SIDT2: variants seen among roughly 807,000 people sequenced by gnomAD.
SIDT2 encodes SID1 transmembrane family member 2, also known as SID1 transmembrane family, member 2.
SIDT2 carries 68 observed loss-of-function variants against 114.4 expected under a neutral mutation model. The observed-to-expected ratio is 0.59, with a 90% CI of 0.49 to 0.73. The LOEUF is 0.73. Ranked by LOEUF, SIDT2 falls within the 30% of genes least tolerant of loss-of-function variation. SIDT2 has a pLI of 0.00. For missense variants in SIDT2, 918 were observed against 1,097.1 expected, an observed-to-expected ratio of 0.84 and a Z score of 2.31; for synonymous variants, 470 against 438.4, an observed-to-expected ratio of 1.07 and a Z score of -0.90.
At chr11:117,187,551 C>G (rs989497442) in intron 11 of SIDT2, 77 bp from the exon 12 acceptor site, 23 of 1,595,968 alleles carry the variant, frequency 1.4e-5, no homozygotes, top group Admixed American at 3.3e-5. Flanking sequence ...CTCCAGCCCC[C>G]ACACCCTCTG....
chr11:117,193,541 C>T (rs1294632324), intron 23 of SIDT2, among the ~76,000 whole-genome samples: 2 of 152,154 alleles, frequency 1.3e-5, no homozygotes. Flanking sequence ...AGGGTGTGGG[C>T]CTCTCAGGAT....
At chr11:117,180,116 C>G (rs1012865246) in intron 1 of SIDT2, among the ~76,000 whole-genome samples, 2 of 152,214 alleles carry the variant, frequency 1.3e-5, no homozygotes, top group Non-Finnish European at 2.9e-5. Context: ...AGACCCCAGG[C>G]AGAGCTGAGA....
Position 117,188,219 on chromosome 11 carries a change from G to C in SIDT2, c.1160-489G>C. The C allele has an allele frequency of 2.8e-6, 1 of 352,058 alleles. No homozygotes were observed. Among genetic ancestry groups the C allele is most frequent in the Non-Finnish European group, 5.6e-6 (1 of 180,100 alleles). 21.8% of individuals were successfully genotyped at this position (352,058 alleles called of 1,614,324 possible). A position where few individuals can be genotyped will look rare whatever the true frequency, so the allele number is the denominator to read the frequency against. On this transcript the variant is annotated intron_variant, in intron 12 of 25. Transcript: ENST00000324225. This position sits in a 1 kb window ranked among gnomAD's most constrained non-coding sequence, Gnocchi z 4.0. Reference sequence around the variant, plus strand: ...TCACTCCCTGGCCTGCTTGGGGAGGGCTCACAGGCATGGGGGTCACATTCT... The same window carrying C: ...TCACTCCCTGGCCTGCTTGGGGAGGCCTCACAGGCATGGGGGTCACATTCT...
intron 12 of SIDT2, 40 bp downstream of exon 12, chr11:117,187,739 C>T (rs1362471306): frequency 7.5e-6 from 12 of 1,595,478 alleles, no homozygotes; most frequent in East Asian, 2.2e-5. Flanking sequence ...TGGTGCAGGA[C>T]GGTGTTGTCT....
chr11:117,192,998 C>G lies in SIDT2; in HGVS notation c.2105+132C>G. 7.4e-7 allele frequency: 1 copy of G among 1,345,040 alleles called. No individual in the cohort carries two copies. Among genetic ancestry groups the G allele is most frequent in the Non-Finnish European group, 1.1e-6 (1 of 936,218 alleles). 83.3% of individuals were successfully genotyped at this position (1,345,040 alleles called of 1,614,324 possible). On this transcript the variant is annotated intron_variant, in intron 22 of 25. Transcript: ENST00000324225. The surrounding 1 kb of genome is among the most constrained non-coding windows in gnomAD (Gnocchi z 5.9). ...ACATGGGGGCTAAGAGAGATCTTGG[C>G]CTCTCTTCTCTCTCTTGGCATCTGG... is the stretch of plus-strand genomic sequence containing the variant.
chr11:117,186,323 A>G, intron 9 of SIDT2, 100 bp downstream of exon 9: 1 of 1,081,184 alleles, frequency 9.2e-7, no homozygotes, highest in South Asian at 1.3e-5. Flanking sequence ...GGTAATCTAC[A>G]CCATCCATAG....
chr11:117,191,735 A>G, intron 18 of SIDT2, 143 bp from the exon 19 acceptor site: 1 of 1,170,438 alleles, frequency 8.5e-7, no homozygotes, highest in Non-Finnish European at 1.2e-6. Context: ...ACTGAAGTTC[A>G]AGTGCCACCC....
In SIDT2 at chr11:117,179,231, C is replaced by CA; in HGVS notation, c.-32dup. On this transcript the variant is annotated 5_prime_UTR_variant, in exon 1 of 26. Transcript: ENST00000324225. ...TGTCTCCTGTCGCCGCCGCCGCCGC[C>CA]ACCACCGCTGCCACTGCCGCCCTGC... The CA allele has an allele frequency of 3.1e-6, 5 of 1,596,036 alleles. No homozygotes were observed. The highest frequency in any genetic ancestry group is 4.3e-6 in the Non-Finnish European group (5 of 1,172,646).
rs376002565 is a variant in SIDT2 at position 117,193,182 on chromosome 11, A to G, written c.2135A>G (p.Asn712Ser). ...LAAYGLIMRP[N>S]DFASYLLAIG... ...GCCTATGGGCTTATCATGCGCCCCA[A>G]TGATTTCGCTTCCTACTTGTTGGCC... Residue 712 changes from asparagine to serine, a missense_variant, in exon 23 of 26, where the codon AAT (asparagine) becomes AGT (serine). Coordinates refer to ENST00000324225, the MANE Select transcript of SIDT2 (RefSeq NM_001040455.2). The G allele has an allele frequency of 5.7e-5, 92 of 1,614,004 alleles. No homozygotes were observed. The highest frequency in any genetic ancestry group is 1.3e-4 in the East Asian group (6 of 44,876).
At position 117,189,154 on chromosome 11, in the gene SIDT2, C is replaced by T. The variant is rs1388562465; in HGVS notation, c.1279-15C>T. ...CAAGTAGCAGTAAGTGGGGCTGATT[C>T]CAGCTTCTCCCCAGCAATACCTCTA... On this transcript the variant is annotated splice_polypyrimidine_tract_variant and intron_variant, in intron 13 of 25. Coordinates refer to ENST00000324225, the MANE Select transcript of SIDT2 (RefSeq NM_001040455.2). 16 of 1,613,822 alleles carry T rather than the reference C, an allele frequency of 9.9e-6. No homozygotes were observed. The highest frequency in any genetic ancestry group is 1.4e-5 in the Non-Finnish European group (16 of 1,179,778).
Position 117,192,851 on chromosome 11 carries a change from T to C in SIDT2, c.2090T>C (p.Val697Ala), listed in dbSNP as rs1331898586. The C allele has an allele frequency of 6.2e-7, 1 of 1,614,144 alleles. No homozygotes were observed. Among genetic ancestry groups the C allele is most frequent in the Non-Finnish European group, 8.5e-7 (1 of 1,180,030 alleles). Residue 697 changes from valine to alanine, a missense_variant, in exon 22 of 26, where the codon GTC (valine) becomes GCC (alanine). By Grantham distance (64) the Val-to-Ala change is moderately conservative. Transcript: ENST00000324225. This position sits in a 1 kb window ranked among gnomAD's most constrained non-coding sequence, Gnocchi z 5.9. Reference protein sequence around the residue: ...DRMVLLVMGNVINWSLAAYGL... With the variant: ...DRMVLLVMGNAINWSLAAYGL... ...ATGGTGCTGCTGGTCATGGGCAACG[T>C]CATCAACTGGTCGCTGTGAGTATGG...
rs774878472 is a variant in SIDT2 at position 117,191,862 on chromosome 11, G to C, written c.1736-16G>C. ...GTGGCCATTTCTGCAGCTCCCTTCC[G>C]TGTCCCTCATCCTAGACACATCGTT... On this transcript the variant is annotated splice_polypyrimidine_tract_variant and intron_variant, in intron 18 of 25. Coordinates refer to ENST00000324225, the MANE Select transcript of SIDT2 (RefSeq NM_001040455.2). The C allele has an allele frequency of 1.2e-6, 2 of 1,612,190 alleles. No individual in the cohort carries two copies. Among genetic ancestry groups the C allele is most frequent in the Admixed American group, 1.7e-5 (1 of 59,882 alleles).
rs2030482078 is a variant in SIDT2, at chr11:117,186,044, G to A, written c.869-86G>A. 14 of 1,078,126 alleles carry A rather than the reference G, an allele frequency of 1.3e-5. 1 individual carries two copies. The South Asian group carries it at 1.8e-4, about 14-fold the overall frequency. The allele number at this position is 1,078,126 out of a possible 1,614,324, so 66.8% of individuals were successfully genotyped here. A position where few individuals can be genotyped will look rare whatever the true frequency, so the allele number is the denominator to read the frequency against. On this transcript the variant is annotated intron_variant, in intron 8 of 25. Transcript: ENST00000324225. Reference sequence around the variant, plus strand: ...AGAAGGGTGAGAGATTGAGCTGGGTGGAGGAGGACATGAAGGCCTTTGGGT... The same window carrying A: ...AGAAGGGTGAGAGATTGAGCTGGGTAGAGGAGGACATGAAGGCCTTTGGGT...
Position 117,179,355 on chromosome 11 carries a change from A to G in SIDT2, c.92A>G (p.Lys31Arg). The change falls in exon 1 of 26, where the codon AAA (lysine) becomes AGA (arginine). Residue 31 changes from lysine to arginine, a missense_variant. Coordinates refer to ENST00000324225, the MANE Select transcript of SIDT2 (RefSeq NM_001040455.2). ...CTGGGGCCCAAGAACGTCTCGCAGAAAGACGCCGAGTTTGAGCGCACCTAC... is the reference window on the plus strand; with the variant it reads ...CTGGGGCCCAAGAACGTCTCGCAGAGAGACGCCGAGTTTGAGCGCACCTAC... Reference protein sequence around the residue: ...GVLGPKNVSQKDAEFERTYVD... With the variant: ...GVLGPKNVSQRDAEFERTYVD... The G allele has an allele frequency of 3.7e-6, 6 of 1,614,164 alleles. No individual in the cohort carries two copies. Among genetic ancestry groups the G allele is most frequent in the Non-Finnish European group, 5.1e-6 (6 of 1,180,030 alleles).
rs1424897897 is a variant in SIDT2 at position 117,188,827 on chromosome 11, G to A, written c.1278+1G>A. On this transcript the variant is annotated splice_donor_variant, in intron 13 of 25. Coordinates refer to ENST00000324225, the MANE Select transcript of SIDT2 (RefSeq NM_001040455.2). LOFTEE classifies it high-confidence loss of function. The surrounding 1 kb of genome is among the most constrained non-coding windows in gnomAD (Gnocchi z 4.0). ...CGACAAGAATGTCATTCGCACCAAG[G>A]TCTGACCCGTGGGCCTGGCCTGGTC... 1.2e-6 allele frequency: 2 copies of A among 1,613,836 alleles called. No homozygotes were observed. The highest frequency in any genetic ancestry group is 1.7e-6 in the Non-Finnish European group (2 of 1,179,682).
At chr11:117,189,499 C>G in intron 15 of SIDT2, 98 bp downstream of exon 15, 1 of 1,326,938 alleles carries the variant, frequency 7.5e-7, no homozygotes, top group South Asian at 1.3e-5. Context: ...CATCACAGGA[C>G]CTGGGTTCAG....
rs1228383314 is a variant in SIDT2 at position 117,196,870 on chromosome 11, G to A, written c.*804G>A. ...TCACCCCTTCCCTTCCTTCTTTCCAGGCCCTTAGTCTTGCCAAACCCCAGC... is the reference window on the plus strand; with the variant it reads ...TCACCCCTTCCCTTCCTTCTTTCCAAGCCCTTAGTCTTGCCAAACCCCAGC... On this transcript the variant is annotated 3_prime_UTR_variant, in exon 26 of 26. Coordinates refer to ENST00000324225, the MANE Select transcript of SIDT2 (RefSeq NM_001040455.2). This position sits in a 1 kb window ranked among gnomAD's most constrained non-coding sequence, Gnocchi z 4.9. The A allele has an allele frequency of 6.5e-6, 1 of 152,788 alleles. No homozygotes were observed. The highest frequency in any genetic ancestry group is 1.9e-4 in the East Asian group (1 of 5,208). The allele number at this position is 152,788 out of a possible 1,614,324, so 9.5% of individuals were successfully genotyped here.
At position 117,190,533 on chromosome 11, in the gene SIDT2, T is replaced by A; in HGVS notation, c.1618-90T>A. ...GACACATACCCCACCCCTTTTCCTC[T>A]TCCACTCCTCTTAGGGTCCCTCTTT... On this transcript the variant is annotated intron_variant, in intron 17 of 25. Transcript: ENST00000324225. This position sits in a 1 kb window ranked among gnomAD's most constrained non-coding sequence, Gnocchi z 4.1. 2.6e-6 allele frequency: 3 copies of A among 1,144,630 alleles called. No individual in the cohort carries two copies. The Admixed American group carries it at 6.5e-5, about 25-fold the overall frequency. 70.9% of individuals were successfully genotyped at this position (1,144,630 alleles called of 1,614,324 possible). A position where few individuals can be genotyped will look rare whatever the true frequency, so the allele number is the denominator to read the frequency against.
At chr11:117,187,604 C>T (rs2134253880) in intron 11 of SIDT2, 24 bp from the exon 12 acceptor site, 1 of 1,613,702 alleles carries the variant, frequency 6.2e-7, no homozygotes, top group East Asian at 2.2e-5. Flanking sequence ...TCCTTCCTGC[C>T]TCACCACTGA....
Sources: gnomAD v4.1 joint callset for allele counts (sites outside exome capture counted in the v4.1 genomes callset) on GRCh38, gnomAD v4.1.1 for gene constraint, Gnocchi (gnomAD v3.1) non-coding constraint, MANE v1.5 for transcripts, NCBI Gene and HGNC (gene_info 2026-07-23, HGNC 2026-07-21) for gene names.